SLAMF6: variants seen among roughly 807,000 people sequenced by gnomAD.
The protein encoded by SLAMF6 is NK-T-B-antigen.
In SLAMF6, 21 loss-of-function variants were observed where a neutral mutation model predicts 38.3. That is an observed-to-expected ratio of 0.55 (90% CI 0.39 to 0.79). The LOEUF is 0.79. Among genes scored for constraint, SLAMF6 ranks in the 30% least tolerant of loss-of-function variants. The pLI is 0.00. For synonymous variants in SLAMF6, 152 were observed against 146.3 expected (o/e 1.04, Z -0.28); for missense variants, 341 against 385.3 (o/e 0.89, Z 0.96).
chr1:160,486,850 G>T, intron 7 of SLAMF6, 96 bp from the exon 8 acceptor site: 1 of 1,396,964 alleles, frequency 7.2e-7, no homozygotes, highest in Non-Finnish European at 1.0e-6. Context: ...ACTACAGAGA[G>T]GCAGATAATA....
chr1:160,491,075 G>C, intron 3 of SLAMF6, 50 bp downstream of exon 3: 2 of 1,604,754 alleles, frequency 1.2e-6, no homozygotes, highest in Non-Finnish European at 1.7e-6. Context: ...GTGAGGACGC[G>C]TTAAACCCCA....
Position 160,489,162 on chromosome 1 carries a change from C to G in SLAMF6, c.805G>C (p.Ala269Pro). The change falls in exon 6 of 8, where the codon GCA becomes CCA. Residue 269 changes from alanine to proline, a missense_variant. Ala to Pro is a conservative substitution (Grantham distance 27). Transcript: ENST00000368057. The part of the protein sequence containing the change: ...TQRTQGPAES[A>P]RNLEYVSVSP... ...ACTGAAACATACTCTAGGTTCCTTG[C>G]GGACTCTGCTGTTAACATAGGAAGG... 1 of 1,613,802 alleles carries G rather than the reference C, an allele frequency of 6.2e-7. No homozygotes were observed.
chr1:160,489,126 T>G lies in SLAMF6; in HGVS notation c.841A>C (p.Asn281His). ...GTGACTGAAGCATACACAGTGTTGT[T>G]CGTTGGAGACACTGAAACATACTCT... ...NLEYVSVSPT[N>H]NTVYASVTHS... The change falls in exon 6 of 8, where the codon AAC becomes CAC. Residue 281 changes from asparagine to histidine, a missense_variant. Coordinates refer to ENST00000368057, the MANE Select transcript of SLAMF6 (RefSeq NM_001184714.2). The G allele has an allele frequency of 1.2e-6, 2 of 1,613,910 alleles. No individual in the cohort carries two copies. The highest frequency in any genetic ancestry group is 1.7e-6 in the Non-Finnish European group (2 of 1,179,854).
At chr1:160,496,588 G>A (rs938012809) in intron 1 of SLAMF6, among the ~76,000 whole-genome samples, 195 bp from the exon 2 acceptor site, 2 of 152,088 alleles carry the variant, frequency 1.3e-5, no homozygotes, top group African/African-American at 4.8e-5. Flanking sequence ...CCAGCAAAAT[G>A]TCAGCCACTC....
At position 160,502,018 on chromosome 1, in the gene SLAMF6, C is replaced by G. The variant is rs181269457; in HGVS notation, c.50-5625G>C. Among the ~76,000 whole-genome samples the G allele has an allele frequency of 2.0e-5, 3 of 152,166 alleles. No homozygotes were observed. In the East Asian group the frequency reaches 5.8e-4, roughly 29 times the overall value. On this transcript the variant is annotated intron_variant, in intron 1 of 7. Coordinates refer to ENST00000368057, the MANE Select transcript of SLAMF6 (RefSeq NM_001184714.2). ...ATGCTACTGAAAATGTTTAAAAGAC[C>G]CTGCATGAGACTTTGGACAGGAGCA...
chr1:160,492,970 T>C (rs1485345354), intron 2 of SLAMF6, among the ~76,000 whole-genome samples: 1 of 151,938 alleles, frequency 6.6e-6, no homozygotes, highest in Non-Finnish European at 1.5e-5. Flanking sequence ...AATTGGCCCA[T>C]TGGCTTCTAC....
chr1:160,502,732 G>A (rs1305248211), intron 1 of SLAMF6, among the ~76,000 whole-genome samples: 1 of 152,146 alleles, frequency 6.6e-6, no homozygotes, highest in African/African-American at 2.4e-5. Context: ...AGGAACTTTG[G>A]GTTTCTAACC....
At chr1:160,487,260 A>G (rs531939281) in intron 6 of SLAMF6, 85 bp from the exon 7 acceptor site, 2 of 1,226,446 alleles carry the variant, frequency 1.6e-6, no homozygotes, top group East Asian at 2.4e-5. Context: ...ACTGTGTGAC[A>G]AAAAAGAGAA....
chr1:160,513,938 A>G (rs1654619408), intron 1 of SLAMF6, among the ~76,000 whole-genome samples: 1 of 152,152 alleles, frequency 6.6e-6, no homozygotes, highest in South Asian at 2.1e-4. Context: ...GACCAATGAA[A>G]CTGTGAAGCA....
chr1:160,487,437 G>A (rs1290245664), intron 6 of SLAMF6, among the ~76,000 whole-genome samples: 1 of 152,210 alleles, frequency 6.6e-6, no homozygotes, highest in African/African-American at 2.4e-5. Flanking sequence ...CAGCCTTGCT[G>A]TATGAAGGGA....
intron 1 of SLAMF6, 95 bp downstream of exon 1, chr1:160,523,049 G>C (rs755489918): frequency 6.6e-5 from 89 of 1,347,534 alleles, no homozygotes; most frequent in Non-Finnish European, 9.2e-5. Context: ...CCTTGGCAGA[G>C]AGCCAGACAA....
intron 1 of SLAMF6, among the ~76,000 whole-genome samples, chr1:160,521,677 CT>C (rs1256285791): frequency 6.6e-6 from 1 of 152,154 alleles, no homozygotes; most frequent in African/African-American, 2.4e-5. Flanking sequence ...AGCTCTACCC[CT>C]AGTCCTAAGT....
Position 160,487,181 on chromosome 1 carries a change from A to G in SLAMF6, c.880-6T>C, listed in dbSNP as rs768166439. ...GGTGTCCAGATTTCTGTTTCCTGTA[A>G]AAAGAATCATACCAATTTGGCTTAC... On this transcript the variant is annotated splice_region_variant and splice_polypyrimidine_tract_variant and intron_variant, in intron 6 of 7. Coordinates refer to ENST00000368057, the MANE Select transcript of SLAMF6 (RefSeq NM_001184714.2). The G allele has an allele frequency of 2.5e-6, 4 of 1,612,248 alleles. No individual in the cohort carries two copies. The South Asian group carries it at 4.4e-5, about 18-fold the overall frequency.
intron 1 of SLAMF6, among the ~76,000 whole-genome samples, chr1:160,497,058 G>A (rs1653622905): frequency 6.6e-6 from 1 of 152,078 alleles, no homozygotes; most frequent in Non-Finnish European, 1.5e-5. Context: ...TCAAACCCAG[G>A]TCTTCTGACT....
chr1:160,499,596 A>G (rs1317536916), intron 1 of SLAMF6, among the ~76,000 whole-genome samples: 2 of 152,196 alleles, frequency 1.3e-5, no homozygotes, highest in African/African-American at 4.8e-5. Flanking sequence ...TTCTGTGAAG[A>G]ATGACATTGG....
intron 1 of SLAMF6, among the ~76,000 whole-genome samples, chr1:160,513,516 A>G (rs767892290): frequency 1.3e-5 from 2 of 152,168 alleles, no homozygotes; most frequent in Non-Finnish European, 2.9e-5. Context: ...CAAAGAACCC[A>G]GTAAGATACT....
intron 1 of SLAMF6, among the ~76,000 whole-genome samples, chr1:160,508,741 A>G (rs1256130951): frequency 6.6e-6 from 1 of 152,202 alleles, no homozygotes; most frequent in African/African-American, 2.4e-5. Context: ...AATGGGAGAA[A>G]ATTTTTGCAA....
intron 1 of SLAMF6, among the ~76,000 whole-genome samples, chr1:160,509,717 C>G (rs1571308498): frequency 2.6e-5 from 4 of 151,378 alleles, no homozygotes; most frequent in African/African-American, 9.7e-5. Context: ...CAAACTAAAC[C>G]CAAAGCTATT....
At chr1:160,510,538 C>A (rs376116451) in intron 1 of SLAMF6, among the ~76,000 whole-genome samples, 1 of 152,170 alleles carries the variant, frequency 6.6e-6, no homozygotes, top group African/African-American at 2.4e-5. Flanking sequence ...AAAAAACCAG[C>A]ACCTTTTAAA....
Sources: allele counts gnomAD v4.1 joint callset (sites outside exome capture counted in the v4.1 genomes callset), GRCh38; gene constraint gnomAD v4.1.1; transcripts MANE v1.5; gene names NCBI Gene and HGNC (gene_info 2026-07-23, HGNC 2026-07-21).